TFEC: variants seen among roughly 807,000 people sequenced by gnomAD.
The protein encoded by TFEC is transcription factor EC.
Under a neutral mutation model 41.6 loss-of-function variants are expected in TFEC, and 31 were observed. The observed-to-expected ratio is 0.74, with a 90% CI of 0.56 to 1.01. The LOEUF (loss-of-function observed/expected upper bound fraction) is 1.01, where lower values mean the gene tolerates loss of function less well. TFEC is among the 50% of genes least tolerant of loss of function. The pLI, the probability that TFEC is intolerant of heterozygous loss-of-function variation, is 0.00. For synonymous variants in TFEC, 143 were observed against 140.6 expected (o/e 1.02, Z -0.12); for missense variants, 402 against 404.1 (o/e 0.99, Z 0.04).
chr7:115,992,210 T>C (rs1162730741), intron 1 of TFEC, among the ~76,000 whole-genome samples: 1 of 152,204 alleles, frequency 6.6e-6, no homozygotes, highest in African/African-American at 2.4e-5. Flanking sequence ...TAAAGCAGTG[T>C]GTAGAGGGAA....
rs187791947 is a variant in TFEC, at chr7:115,945,704, C to A, written c.516-3664G>T. Reference sequence around the variant, plus strand: ...AATAGAAATAAAACAAATAATAACCCTCCTTTCTGAGATTCATAAGGAAGA... The same window carrying A: ...AATAGAAATAAAACAAATAATAACCATCCTTTCTGAGATTCATAAGGAAGA... On this transcript the variant is annotated intron_variant, in intron 6 of 7. Transcript: ENST00000265440. Among the ~76,000 whole-genome samples, 12 of 151,876 alleles carry A rather than the reference C, an allele frequency of 7.9e-5. No homozygotes were observed. The East Asian group carries it at 2.3e-3, about 30-fold the overall frequency.
At chr7:116,046,854 A>G (rs1046901266) in intron 3 of TFEC, among the ~76,000 whole-genome samples, 4 of 152,228 alleles carry the variant, frequency 2.6e-5, no homozygotes, top group African/African-American at 2.4e-5. Flanking sequence ...TTTTGTTATG[A>G]TAAATGATTC....
In TFEC at chr7:116,101,920, A is replaced by T. The variant is rs565371517; in HGVS notation, c.198+8788T>A. Among the ~76,000 whole-genome samples, 37 of 152,324 alleles carry T rather than the reference A, an allele frequency of 2.4e-4. No homozygotes were observed. In the South Asian group the frequency reaches 5.4e-3, roughly 22 times the overall value. ...TTCATATGTTGGAGCTGATTCAAAGATGACTCTTACAGAAAACTCTAACCA... is the reference window on the plus strand; with the variant it reads ...TTCATATGTTGGAGCTGATTCAAAGTTGACTCTTACAGAAAACTCTAACCA... On this transcript the variant is annotated intron_variant, in intron 3 of 8. Coordinates refer to the TFEC transcript ENST00000484212.
At chr7:116,039,935 A>G (rs1347734659) in intron 3 of TFEC, among the ~76,000 whole-genome samples, 1 of 152,178 alleles carries the variant, frequency 6.6e-6, no homozygotes, top group Admixed American at 6.6e-5. Flanking sequence ...AAGCAAAATT[A>G]GATAAAAGAG....
chr7:115,975,374 A>G (rs555073039), intron 2 of TFEC, among the ~76,000 whole-genome samples: 3 of 152,130 alleles, frequency 2.0e-5, no homozygotes, highest in Non-Finnish European at 4.4e-5. Flanking sequence ...ATATATGCAG[A>G]TACAGTCAGG....
chr7:116,139,490 C>G (rs1798498075), intron 1 of TFEC, among the ~76,000 whole-genome samples: 1 of 152,200 alleles, frequency 6.6e-6, no homozygotes, highest in Non-Finnish European at 1.5e-5. Context: ...CACCTTTCAT[C>G]ACACTAGAAT....
intron 5 of TFEC, among the ~76,000 whole-genome samples, chr7:115,953,781 C>A (rs1314658513): frequency 6.6e-6 from 1 of 152,076 alleles, no homozygotes; most frequent in African/African-American, 2.4e-5. Context: ...GTGACACAGG[C>A]AGGTGCTTTA....
chr7:116,005,653 G>T (rs1241398531), intron 1 of TFEC, among the ~76,000 whole-genome samples: 2 of 152,188 alleles, frequency 1.3e-5, no homozygotes, highest in African/African-American at 2.4e-5. Flanking sequence ...CAATGCAATA[G>T]AAAAGTAAAT....
intron 2 of TFEC, among the ~76,000 whole-genome samples, chr7:115,979,801 G>A (rs187039905): frequency 3.4e-4 from 51 of 151,922 alleles, no homozygotes; most frequent in African/African-American, 1.1e-3. Context: ...CTTCACTTTC[G>A]TATACAATAT....
intron 3 of TFEC, among the ~76,000 whole-genome samples, chr7:116,077,114 C>A (rs1796977536): frequency 6.6e-6 from 1 of 152,114 alleles, no homozygotes; most frequent in Admixed American, 6.6e-5. Context: ...GGATTGAGGT[C>A]CTATTTTTAG....
At chr7:116,121,643 A>G (rs936480156) in intron 1 of TFEC, among the ~76,000 whole-genome samples, 3 of 152,070 alleles carry the variant, frequency 2.0e-5, no homozygotes, top group Admixed American at 1.3e-4. Flanking sequence ...ATTAAAATAT[A>G]TTGACTTGCT....
At chr7:116,054,823 G>C (rs911140853) in intron 3 of TFEC, among the ~76,000 whole-genome samples, 5 of 152,084 alleles carry the variant, frequency 3.3e-5, no homozygotes, top group African/African-American at 1.2e-4. Context: ...TTACTTACAG[G>C]CTGAACTCCT....
intron 1 of TFEC, among the ~76,000 whole-genome samples, chr7:116,124,451 T>C (rs903359704): frequency 2.0e-5 from 3 of 152,146 alleles, no homozygotes; most frequent in Non-Finnish European, 4.4e-5. Context: ...GAAAGTTCTA[T>C]GCAATCAAAC....
intron 6 of TFEC, among the ~76,000 whole-genome samples, chr7:115,949,317 A>G (rs1194465829): frequency 6.6e-6 from 1 of 152,020 alleles, no homozygotes; most frequent in Non-Finnish European, 1.5e-5. Flanking sequence ...TCAAGCTACC[A>G]ATGACTTTCT....
intron 1 of TFEC, among the ~76,000 whole-genome samples, chr7:116,152,755 C>T (rs532881684): frequency 3.3e-5 from 5 of 152,022 alleles, no homozygotes; most frequent in Admixed American, 6.6e-5. Context: ...TGTTTCTGAG[C>T]GACTTAATTG....
intron 3 of TFEC, among the ~76,000 whole-genome samples, chr7:116,082,849 A>G (rs559611173): frequency 6.6e-6 from 1 of 151,982 alleles, no homozygotes; most frequent in South Asian, 2.1e-4. Context: ...AATCCTGTTC[A>G]ATGCATTTTA....
chr7:115,938,632 T>C lies in TFEC; in HGVS notation c.*1919A>G, dbSNP rs1793342318. On this transcript the variant is annotated 3_prime_UTR_variant, in exon 8 of 8. Coordinates refer to ENST00000265440, the MANE Select transcript of TFEC (RefSeq NM_012252.4). ...CCATAATGATTTACTATTTTTCTAC[T>C]TTTATCAGCATTAGGGTCTCACATT... 6.6e-6 allele frequency: 1 copy of C among 151,948 alleles called. No individual in the cohort carries two copies. The highest frequency in any genetic ancestry group is 6.6e-5 in the Admixed American group (1 of 15,212). The allele number at this position is 151,948 out of a possible 1,614,324, so 9.4% of individuals were successfully genotyped here.
intron 3 of TFEC, among the ~76,000 whole-genome samples, chr7:116,093,772 T>G (rs1038464609): frequency 3.9e-5 from 6 of 152,140 alleles, no homozygotes; most frequent in African/African-American, 1.4e-4. Flanking sequence ...GTTAGGAAAA[T>G]ATATTCATAG....
At chr7:116,133,537 GAA>G (rs770772031) in intron 1 of TFEC, among the ~76,000 whole-genome samples, 6 of 112,020 alleles carry the variant, frequency 5.4e-5, no homozygotes, top group Admixed American at 9.3e-5. Context: ...CTCTGTCTCA[GAA>G]AAAAAAAAAA....
Sources: allele counts gnomAD v4.1 joint callset (sites outside exome capture counted in the v4.1 genomes callset), GRCh38; gene constraint gnomAD v4.1.1; transcripts MANE v1.5; gene names NCBI Gene and HGNC (gene_info 2026-07-23, HGNC 2026-07-21).